SEMA6D: variants seen among roughly 807,000 people sequenced by gnomAD.
The protein encoded by SEMA6D is semaphorin 6D, also known as semaphorin-6D.
Under a neutral mutation model 106.6 loss-of-function variants are expected in SEMA6D, and 35 were observed. The observed-to-expected ratio is 0.33, with a 90% CI of 0.25 to 0.44. The LOEUF is 0.44. Ranked by LOEUF, SEMA6D falls within the 20% of genes least tolerant of loss-of-function variation. The pLI is 1.00. For missense variants in SEMA6D, 1,185 were observed against 1,345.9 expected (o/e 0.88, Z 1.87); for synonymous variants, 499 against 487.7 (o/e 1.02, Z -0.31).
chr15:47,421,127 A>C (rs1261737965), intron 2 of SEMA6D, among the ~76,000 whole-genome samples: 3 of 152,094 alleles, frequency 2.0e-5, no homozygotes, highest in Non-Finnish European at 2.9e-5. Flanking sequence ...AAAATTATTC[A>C]CTTTTCATCC....
At chr15:47,479,035 A>G (rs754584812) in intron 3 of SEMA6D, among the ~76,000 whole-genome samples, 1 of 152,080 alleles carries the variant, frequency 6.6e-6, no homozygotes, top group Non-Finnish European at 1.5e-5. Context: ...GGTCCCTCCA[A>G]TGACACATAG....
intron 1 of SEMA6D, among the ~76,000 whole-genome samples, chr15:47,721,401 G>T (rs1207430172): frequency 2.0e-5 from 3 of 152,172 alleles, no homozygotes; most frequent in Admixed American, 6.5e-5. Context: ...TGTGAATGGA[G>T]ACTTAGTGTT....
chr15:47,662,090 T>C lies in SEMA6D; in HGVS notation c.-55+61194T>C, dbSNP rs143384248. On this transcript the variant is annotated intron_variant, in intron 4 of 19. Transcript: ENST00000558014. ...GTGAGTGGAGCTGTATGTTAGAGTGTATCAGTGGGTGTCTGCGGTGTCTGG... is the reference window on the plus strand; with the variant it reads ...GTGAGTGGAGCTGTATGTTAGAGTGCATCAGTGGGTGTCTGCGGTGTCTGG... Among the ~76,000 whole-genome samples the C allele has an allele frequency of 3.0e-4, 46 of 152,244 alleles. No individual in the cohort carries two copies. The East Asian group carries it at 8.3e-3, about 28-fold the overall frequency.
intron 4 of SEMA6D, among the ~76,000 whole-genome samples, chr15:47,665,840 T>C (rs1226807472): frequency 6.6e-6 from 1 of 152,170 alleles, no homozygotes; most frequent in Non-Finnish European, 1.5e-5. Flanking sequence ...AGTTTACTCA[T>C]AGTGACTGGC....
chr15:47,387,041 G>GT (rs2039863840), intron 1 of SEMA6D, among the ~76,000 whole-genome samples: 1 of 141,672 alleles, frequency 7.1e-6, no homozygotes. Context: ...GCTGCGTGTG[G>GT]CTCCATCATG....
intron 1 of SEMA6D, among the ~76,000 whole-genome samples, chr15:47,246,428 A>G (rs2033203040): frequency 6.6e-6 from 1 of 152,180 alleles, no homozygotes; most frequent in Non-Finnish European, 1.5e-5. Flanking sequence ...AAATCCACCC[A>G]TTATCTTATA....
chr15:47,745,528 G>A (rs1230117197), intron 1 of SEMA6D, among the ~76,000 whole-genome samples: 1 of 152,216 alleles, frequency 6.6e-6, no homozygotes, highest in East Asian at 1.9e-4. Flanking sequence ...TACCCTCTTG[G>A]TCTTGCATCA....
chr15:47,207,346 C>A (rs868775580), intron 1 of SEMA6D, among the ~76,000 whole-genome samples: 1 of 152,138 alleles, frequency 6.6e-6, no homozygotes, highest in Non-Finnish European at 1.5e-5. Context: ...TGCTATATCT[C>A]CCATTTACAA....
chr15:47,364,596 C>T (rs1488871612), intron 1 of SEMA6D, among the ~76,000 whole-genome samples: 1 of 152,136 alleles, frequency 6.6e-6, no homozygotes, highest in African/African-American at 2.4e-5. Context: ...TAGAATGCAA[C>T]ATAGAATCCA....
rs192205726 is a variant in SEMA6D, at chr15:47,336,864, A to G, written c.-238-75529A>G. Among the ~76,000 whole-genome samples, 14 of 152,282 alleles carry G rather than the reference A, an allele frequency of 9.2e-5. No individual in the cohort carries two copies. The East Asian group carries it at 2.5e-3, about 27-fold the overall frequency. ...ACAGCAGTTTCAAAGTGAATGGACA[A>G]CATCCTGCTTGGAAGGCTGCTACTT... is the stretch of plus-strand genomic sequence containing the variant. On this transcript the variant is annotated intron_variant, in intron 1 of 19. Transcript: ENST00000558014.
intron 3 of SEMA6D, among the ~76,000 whole-genome samples, chr15:47,487,840 GTTCT>G (rs980971185): frequency 1.3e-5 from 2 of 151,994 alleles, no homozygotes; most frequent in Admixed American, 1.3e-4. Flanking sequence ...GCTTATGAAG[GTTCT>G]TTCAACTTCA....
chr15:47,676,961 G>A (rs1433510812), intron 4 of SEMA6D, among the ~76,000 whole-genome samples: 3 of 152,118 alleles, frequency 2.0e-5, no homozygotes, highest in African/African-American at 7.2e-5. Context: ...GGATGAAACT[G>A]TTCCACCTCA....
intron 2 of SEMA6D, among the ~76,000 whole-genome samples, chr15:47,451,048 AC>A (rs2042175693): frequency 6.6e-6 from 1 of 151,902 alleles, no homozygotes; most frequent in Non-Finnish European, 1.5e-5. Flanking sequence ...AACTCAAAAA[AC>A]AAAAAATCAA....
At chr15:47,558,628 G>C (rs1596316321) in intron 3 of SEMA6D, among the ~76,000 whole-genome samples, 1 of 151,938 alleles carries the variant, frequency 6.6e-6, no homozygotes, top group Non-Finnish European at 1.5e-5. Flanking sequence ...ATCAGTCAGG[G>C]AATCATTTAC....
At chr15:47,215,365 G>A (rs1016330390) in intron 1 of SEMA6D, among the ~76,000 whole-genome samples, 1 of 151,914 alleles carries the variant, frequency 6.6e-6, no homozygotes, top group Non-Finnish European at 1.5e-5. Context: ...AGGGGGTTGT[G>A]CACAGTTACC....
intron 3 of SEMA6D, among the ~76,000 whole-genome samples, chr15:47,513,681 G>A (rs1199574154): frequency 6.6e-6 from 1 of 152,162 alleles, no homozygotes; most frequent in Non-Finnish European, 1.5e-5. Flanking sequence ...ATTCCCAAGG[G>A]CAATAGATGA....
intron 3 of SEMA6D, among the ~76,000 whole-genome samples, chr15:47,598,713 A>G (rs1038255610): frequency 6.6e-6 from 1 of 152,168 alleles, no homozygotes; most frequent in Non-Finnish European, 1.5e-5. Context: ...GGGCCACATT[A>G]ATTAGAGTGT....
intron 4 of SEMA6D, among the ~76,000 whole-genome samples, chr15:47,693,211 G>A (rs1273989537): frequency 6.6e-6 from 1 of 152,102 alleles, no homozygotes; most frequent in Non-Finnish European, 1.5e-5. Flanking sequence ...ACAGGGAAAG[G>A]CAATGTGAAG....
intron 2 of SEMA6D, among the ~76,000 whole-genome samples, chr15:47,416,712 C>G (rs1378159395): frequency 6.6e-6 from 1 of 152,058 alleles, no homozygotes; most frequent in Non-Finnish European, 1.5e-5. Flanking sequence ...GGACCCTTCC[C>G]AGGAAGAGGA....
Sources: gnomAD v4.1 joint callset for allele counts (sites outside exome capture counted in the v4.1 genomes callset) on GRCh38, gnomAD v4.1.1 for gene constraint, MANE v1.5 for transcripts, NCBI Gene and HGNC (gene_info 2026-07-23, HGNC 2026-07-21) for gene names.